Variants in MMP24 observed in about 807,000 individuals in gnomAD.
The protein encoded by MMP24 is matrix metalloproteinase-24.
A neutral mutation model predicts 62.8 loss-of-function variants in MMP24; 25 were observed. The ratio of observed to expected loss-of-function variants is 0.40; its 90% CI spans 0.29 to 0.56. The LOEUF (loss-of-function observed/expected upper bound fraction) is 0.56. MMP24 is among the 20% of genes least tolerant of loss of function. MMP24 has a pLI of 0.50. For synonymous variants in MMP24, 319 were observed against 350.5 expected, an observed-to-expected ratio of 0.91 and a Z score of 1.00; for missense variants, 634 against 853.6, an observed-to-expected ratio of 0.74 and a Z score of 3.21.
Position 35,237,527 on chromosome 20 carries a change from T to C in MMP24, c.247-9313T>C, listed in dbSNP as rs1473258476. 2.0e-5 allele frequency among the ~76,000 whole-genome samples: 3 copies of C among 152,220 alleles called. No homozygotes were observed. The East Asian group carries it at 5.8e-4, about 29-fold the overall frequency. On this transcript the variant is annotated intron_variant, in intron 1 of 8. Coordinates refer to ENST00000246186, the MANE Select transcript of MMP24 (RefSeq NM_006690.4). ...ACTTAATCATTTCTATAAAGTCTCT[T>C]TTACCACATAAGGCAACATATTCCC...
intron 5 of MMP24, among the ~76,000 whole-genome samples, chr20:35,266,055 G>A (rs955264467): frequency 3.3e-5 from 5 of 150,594 alleles, no homozygotes; most frequent in Non-Finnish European, 7.4e-5. Flanking sequence ...TAATAGTTGG[G>A]TATTGGGCGT....
chr20:35,271,625 C>A lies in MMP24; in HGVS notation c.1390C>A (p.Leu464Met). 1 of 1,611,978 alleles carries A rather than the reference C, an allele frequency of 6.2e-7. No individual in the cohort carries two copies. Among genetic ancestry groups the A allele is most frequent in the Admixed American group, 1.7e-5 (1 of 59,670 alleles). ...GGTGGAGCCTGGGTACCCCCACAGCCTGGGGGAGCTGGGCAGCTGTTTGCC... is the reference window on the plus strand; with the variant it reads ...GGTGGAGCCTGGGTACCCCCACAGCATGGGGGAGCTGGGCAGCTGTTTGCC... ...VTVEPGYPHS[L>M]GELGSCLPRE... is the part of the protein sequence containing the mutation. The change falls in exon 8 of 9, where the codon CTG becomes ATG. Residue 464 changes from leucine to methionine, a missense_variant. Around this residue, in one of 3 missense-constraint regions of MMP24, gnomAD observed 399 missense variants for 530.8 expected, o/e 0.75. Transcript: ENST00000246186. The surrounding 1 kb of genome is among the most constrained non-coding windows in gnomAD (Gnocchi z 4.0).
chr20:35,245,751 A>G (rs1243040137), intron 1 of MMP24, among the ~76,000 whole-genome samples: 1 of 151,180 alleles, frequency 6.6e-6, no homozygotes, highest in Admixed American at 6.6e-5. Context: ...GCCTGGCCAT[A>G]TATGTATATT....
Position 35,276,142 on chromosome 20 carries a change from T to C in MMP24, c.*1533T>C. 2.5e-6 allele frequency: 1 copy of C among 398,698 alleles called. No homozygotes were observed. The highest frequency in any genetic ancestry group is 4.4e-6 in the Non-Finnish European group (1 of 226,114). The allele number at this position is 398,698 out of a possible 1,614,324, so 24.7% of individuals were successfully genotyped here. A position where few individuals can be genotyped will look rare whatever the true frequency, so the allele number is the denominator to read the frequency against. On this transcript the variant is annotated 3_prime_UTR_variant, in exon 9 of 9. Transcript: ENST00000246186. ...CCCCCGACCCTGTGGTCTCTGGGAT[T>C]GGGGTCGGCTTACCCTGTAGCACAG...
At chr20:35,236,099 T>C (rs376004291) in intron 1 of MMP24, 37 of 152,192 alleles carry the variant, frequency 2.4e-4, no homozygotes, top group African/African-American at 8.9e-4. Flanking sequence ...CAAGAGCCGA[T>C]GGCAGCCAAC....
At chr20:35,251,870 G>A (rs759783437) in intron 2 of MMP24, 35 bp from the exon 3 acceptor site, 20 of 1,518,394 alleles carry the variant, frequency 1.3e-5, no homozygotes, top group East Asian at 2.3e-5. Flanking sequence ...TGACCACAGT[G>A]CATATGCGTG....
At chr20:35,236,194 G>A (rs2060462269) in intron 1 of MMP24, 1 of 151,170 alleles carries the variant, frequency 6.6e-6, no homozygotes, top group African/African-American at 2.5e-5. Context: ...TAGATTGGCT[G>A]TAAGTGAAGA....
At chr20:35,262,570 T>C (rs1297114131) in intron 4 of MMP24, among the ~76,000 whole-genome samples, 1 of 150,420 alleles carries the variant, frequency 6.6e-6, no homozygotes, top group African/African-American at 2.5e-5. Flanking sequence ...TACCGAGACA[T>C]TCCATTGCCC....
chr20:35,273,717 G>A (rs2060686005), intron 8 of MMP24, among the ~76,000 whole-genome samples: 1 of 152,202 alleles, frequency 6.6e-6, no homozygotes, highest in African/African-American at 2.4e-5. Context: ...CGAGCCCTGG[G>A]GTGGTTGCCC....
rs561415491 is a variant in MMP24, at chr20:35,246,341, G to A, written c.247-499G>A. On this transcript the variant is annotated intron_variant, in intron 1 of 8. Transcript: ENST00000246186. ...ATTTTACAAAAATTAGCTAGGCATGGTGGCGTGTGCCTGTAATCCCAGCTA... is the reference window on the plus strand; with the variant it reads ...ATTTTACAAAAATTAGCTAGGCATGATGGCGTGTGCCTGTAATCCCAGCTA... 9.9e-5 allele frequency among the ~76,000 whole-genome samples: 15 copies of A among 152,076 alleles called. No homozygotes were observed. In the East Asian group the frequency reaches 2.9e-3, roughly 29 times the overall value.
chr20:35,260,147 C>T (rs1235787943), intron 4 of MMP24, among the ~76,000 whole-genome samples: 2 of 149,712 alleles, frequency 1.3e-5, no homozygotes, highest in Non-Finnish European at 2.9e-5. Context: ...TAGCAGGCCT[C>T]TCCTCCTCAT....
At chr20:35,248,854 T>G (rs1194449209) in intron 2 of MMP24, among the ~76,000 whole-genome samples, 1 of 152,154 alleles carries the variant, frequency 6.6e-6, no homozygotes, top group African/African-American at 2.4e-5. Flanking sequence ...ACAGGCCTCA[T>G]GGCAGTGCAT....
rs945209732 is a variant in MMP24 at position 35,276,724 on chromosome 20, G to A, written c.*2115G>A. ...AGCTGAGAATGAACAGGAGATGGAG[G>A]CAGGCAGCCCAGGCTGCAGAGGTGA... On this transcript the variant is annotated 3_prime_UTR_variant, in exon 9 of 9. Coordinates refer to ENST00000246186, the MANE Select transcript of MMP24 (RefSeq NM_006690.4). 4.0e-4 allele frequency: 62 copies of A among 155,968 alleles called. No homozygotes were observed. Among genetic ancestry groups the A allele is most frequent in the Non-Finnish European group, 7.1e-4 (50 of 70,334 alleles). The allele number at this position is 155,968 out of a possible 1,614,324, so 9.7% of individuals were successfully genotyped here.
intron 2 of MMP24, among the ~76,000 whole-genome samples, chr20:35,247,486 C>G (rs150705855): frequency 6.6e-6 from 1 of 152,274 alleles, no homozygotes; most frequent in African/African-American, 2.4e-5. Flanking sequence ...TCTAGCCACA[C>G]CAGTCTAGAG....
At chr20:35,268,441 C>T (rs957226112) in intron 6 of MMP24, among the ~76,000 whole-genome samples, 3 of 152,206 alleles carry the variant, frequency 2.0e-5, no homozygotes, top group South Asian at 4.1e-4. Flanking sequence ...GCGCAGGAAT[C>T]GGGCAGCGTG....
At chr20:35,261,994 G>A (rs2060605918) in intron 4 of MMP24, among the ~76,000 whole-genome samples, 1 of 151,916 alleles carries the variant, frequency 6.6e-6, no homozygotes, top group South Asian at 2.1e-4. Context: ...TAGAGATGGG[G>A]TTTCACCATG....
intron 8 of MMP24, 169 bp downstream of exon 8, chr20:35,272,004 C>A (rs2060673114): frequency 1.3e-6 from 1 of 746,196 alleles, no homozygotes; most frequent in Non-Finnish European, 2.1e-6. Flanking sequence ...AATTCACTTA[C>A]CAGCTGCCAA....
chr20:35,261,513 T>C (rs2060602602), intron 4 of MMP24, among the ~76,000 whole-genome samples: 1 of 152,198 alleles, frequency 6.6e-6, no homozygotes, highest in Admixed American at 6.5e-5. Context: ...TAATCTGTCC[T>C]ACTCAGGAGC....
At position 35,274,331 on chromosome 20, in the gene MMP24, G is replaced by A. The variant is rs766914466; in HGVS notation, c.1660G>A (p.Val554Met). ...YWKFDNQKLS[V>M]EPGYPRNILR... ...GAAGTTTGACAACCAGAAACTGAGC[G>A]TGGAGCCAGGCTACCCGCGCAACAT... The change falls in exon 9 of 9, where the codon GTG becomes ATG. Residue 554 changes from valine to methionine, a missense_variant. This residue lies in a region of MMP24 where 399 missense variants were observed against 530.8 expected (regional missense o/e 0.75). Coordinates refer to ENST00000246186, the MANE Select transcript of MMP24 (RefSeq NM_006690.4). The surrounding 1 kb of genome is among the most constrained non-coding windows in gnomAD (Gnocchi z 5.1). 2 of 1,613,634 alleles carry A rather than the reference G, an allele frequency of 1.2e-6. No individual in the cohort carries two copies. Among genetic ancestry groups the A allele is most frequent in the Non-Finnish European group, 1.7e-6 (2 of 1,179,904 alleles).
Sources: allele counts gnomAD v4.1 joint callset (sites outside exome capture counted in the v4.1 genomes callset), GRCh38; gene constraint gnomAD v4.1.1; regional missense constraint gnomAD v4.1.1; non-coding constraint Gnocchi (gnomAD v3.1); transcripts MANE v1.5; gene names NCBI Gene and HGNC (gene_info 2026-07-23, HGNC 2026-07-21).